PCMT1: variants seen among roughly 807,000 people sequenced by gnomAD.
The protein encoded by PCMT1 is protein-L-isoaspartate (D-aspartate) O-methyltransferase.
A neutral mutation model predicts 29.2 loss-of-function variants in PCMT1; 9 were observed. The ratio of observed to expected loss-of-function variants is 0.31; its 90% confidence interval spans 0.19 to 0.54. PCMT1 has a LOEUF of 0.54. Among genes scored for constraint, PCMT1 ranks in the 20% least tolerant of loss-of-function variants. The probability of loss-of-function intolerance (pLI) is 0.95; values close to 1 mark genes in which losing one functional copy is unlikely to be tolerated. For synonymous variants in PCMT1, 98 were observed against 97.5 expected (o/e 1.00, Z -0.03); for missense variants, 184 against 282.2 (o/e 0.65, Z 2.49).
intron 1 of PCMT1, among the ~76,000 whole-genome samples, chr6:149,770,063 T>A (rs1226244050): frequency 6.6e-6 from 1 of 152,232 alleles, no homozygotes; most frequent in Non-Finnish European, 1.5e-5. Context: ...TCTTTGCATA[T>A]CTTTTAGATG....
intron 3 of PCMT1, among the ~76,000 whole-genome samples, chr6:149,785,521 G>T (rs1476612149): frequency 1.3e-5 from 2 of 151,372 alleles, no homozygotes; most frequent in Non-Finnish European, 3.0e-5. Flanking sequence ...AGTGAACAAA[G>T]GTCTCTGGTT....
chr6:149,796,636 T>TA, intron 6 of PCMT1, 136 bp downstream of exon 6: 1 of 572,520 alleles, frequency 1.7e-6, no homozygotes, highest in Non-Finnish European at 3.1e-6. Context: ...ATTTAGCTGT[T>TA]ACTCTTTTCT....
At chr6:149,795,237 C>A in intron 5 of PCMT1, 1 of 393,810 alleles carries the variant, frequency 2.5e-6, no homozygotes, top group South Asian at 2.3e-5. Flanking sequence ...CACGACAGCG[C>A]CATGTTGCAT....
intron 3 of PCMT1, 126 bp downstream of exon 3, chr6:149,773,295 T>C (rs1471954006): frequency 2.8e-6 from 2 of 716,114 alleles, no homozygotes; most frequent in Non-Finnish European, 4.8e-6. Context: ...GAATTGGTAA[T>C]GAACATCATT....
chr6:149,785,411 A>ATTTTTATT (rs1583036574), intron 3 of PCMT1, among the ~76,000 whole-genome samples: 20 of 56,924 alleles, frequency 3.5e-4, no homozygotes, highest in Non-Finnish European at 5.4e-4. Context: ...CTTTTTTTTT[A>ATTTTTATT]TTTTTATTTT....
At chr6:149,763,156 A>C (rs1462432158) in intron 1 of PCMT1, among the ~76,000 whole-genome samples, 1 of 55,728 alleles carries the variant, frequency 1.8e-5, no homozygotes, top group Non-Finnish European at 2.6e-5. Context: ...TCTATGATAT[A>C]TATCTATGAT....
Position 149,749,857 on chromosome 6 carries a change from G to C in PCMT1, c.-45G>C. 1 of 1,592,392 alleles carries C rather than the reference G, an allele frequency of 6.3e-7. No homozygotes were observed. The highest frequency in any genetic ancestry group is 8.6e-7 in the Non-Finnish European group (1 of 1,169,544). On this transcript the variant is annotated 5_prime_UTR_variant, in exon 1 of 8. Coordinates refer to ENST00000464889, the MANE Select transcript of PCMT1 (RefSeq NM_001360452.2). ...CTTGGGAAAACTGCTGGGCACCGTC[G>C]TCGCGCTGAAGGTGGTTCTGTACCT...
intron 3 of PCMT1, among the ~76,000 whole-genome samples, chr6:149,778,390 G>A (rs926407502): frequency 6.6e-6 from 1 of 150,858 alleles, no homozygotes; most frequent in South Asian, 2.1e-4. Flanking sequence ...CACCACACCC[G>A]GCTAATTTTT....
rs1319621619 is a variant in PCMT1, at chr6:149,796,443, A to C, written c.447A>C (p.Glu149Asp). 1 of 1,613,780 alleles carries C rather than the reference A, an allele frequency of 6.2e-7. No homozygotes were observed. Among genetic ancestry groups the C allele is most frequent in the Non-Finnish European group, 8.5e-7 (1 of 1,179,930 alleles). ...GGGATGGAAGAATGGGATATGCTGA[A>C]GAAGCCCCTTATGATGCCATTCATG... ...VVGDGRMGYA[E>D]EAPYDAIHVG... The change falls in exon 6 of 8, where the codon GAA becomes GAC. Residue 149 changes from glutamate (E) to aspartate (D), a missense_variant. Transcript: ENST00000464889.
At chr6:149,777,318 T>C (rs765782259) in intron 3 of PCMT1, among the ~76,000 whole-genome samples, 1 of 152,138 alleles carries the variant, frequency 6.6e-6, no homozygotes, top group African/African-American at 2.4e-5. Flanking sequence ...AAGTGGAAAA[T>C]AGAATGCATG....
At chr6:149,794,626 A>G (rs1788523362) in intron 5 of PCMT1, 1 of 256,922 alleles carries the variant, frequency 3.9e-6, no homozygotes, top group Admixed American at 5.3e-5. Flanking sequence ...CAAAAAAACA[A>G]ATAAAATAAA....
At chr6:149,783,245 G>T (rs113716343) in intron 3 of PCMT1, among the ~76,000 whole-genome samples, 2 of 151,950 alleles carry the variant, frequency 1.3e-5, no homozygotes, top group African/African-American at 2.4e-5. Context: ...CAATTCTTCT[G>T]CCTCAGCCTC....
At chr6:149,753,869 A>G (rs763527578) in intron 1 of PCMT1, among the ~76,000 whole-genome samples, 3 of 152,224 alleles carry the variant, frequency 2.0e-5, no homozygotes, top group Non-Finnish European at 4.4e-5. Context: ...AAACTTGAGC[A>G]TGCTTCAAAA....
intron 1 of PCMT1, among the ~76,000 whole-genome samples, chr6:149,768,693 C>T (rs1280963220): frequency 6.6e-6 from 1 of 151,864 alleles, no homozygotes; most frequent in Non-Finnish European, 1.5e-5. Flanking sequence ...GTGGCATGAT[C>T]TCGGCTCACT....
At chr6:149,806,578 TG>T in intron 7 of PCMT1, among the ~76,000 whole-genome samples, 1 of 152,212 alleles carries the variant, frequency 6.6e-6, no homozygotes, top group African/African-American at 2.4e-5. Context: ...TTTCCGTTTT[TG>T]TTTTTGTTTT....
intron 3 of PCMT1, among the ~76,000 whole-genome samples, chr6:149,782,936 C>G (rs1787875085): frequency 1.3e-5 from 2 of 151,928 alleles, no homozygotes; most frequent in African/African-American, 4.8e-5. Flanking sequence ...CGGGCAGATC[C>G]CTTGAGCCCA....
chr6:149,795,692 A>G lies in PCMT1; in HGVS notation c.419-723A>G, dbSNP rs1036664986. ...GTCCTGATGGCATAACTGTTCCTGAATTGAGAGAAGCATGGGACTATCTAT... is the reference window on the plus strand; with the variant it reads ...GTCCTGATGGCATAACTGTTCCTGAGTTGAGAGAAGCATGGGACTATCTAT... On this transcript the variant is annotated intron_variant, in intron 5 of 7. Transcript: ENST00000464889. 1.7e-5 allele frequency: 6 copies of G among 343,242 alleles called. No homozygotes were observed. The South Asian group carries it at 1.8e-4, about 10-fold the overall frequency. The allele number at this position is 343,242 out of a possible 1,614,324, so 21.3% of individuals were successfully genotyped here. A position where few individuals can be genotyped will look rare whatever the true frequency, so the allele number is the denominator to read the frequency against.
intron 1 of PCMT1, among the ~76,000 whole-genome samples, chr6:149,752,678 C>T (rs1197936723): frequency 3.3e-5 from 5 of 152,110 alleles, no homozygotes; most frequent in Non-Finnish European, 7.4e-5. Flanking sequence ...GATCTCAGTG[C>T]CTTCTATTGC....
chr6:149,810,759 T>G lies in PCMT1; in HGVS notation c.*181T>G. 1.5e-6 allele frequency: 1 copy of G among 671,012 alleles called. No individual in the cohort carries two copies. The highest frequency in any genetic ancestry group is 2.4e-6 in the Non-Finnish European group (1 of 408,584). 41.6% of individuals were successfully genotyped at this position (671,012 alleles called of 1,614,324 possible). A position where few individuals can be genotyped will look rare whatever the true frequency, so the allele number is the denominator to read the frequency against. ...CACTGTTATTTTCAGCATGAAAATG[T>G]GTGTTTTTTTAGGGTTTCTGATTCT... On this transcript the variant is annotated 3_prime_UTR_variant, in exon 8 of 8. Coordinates refer to ENST00000464889, the MANE Select transcript of PCMT1 (RefSeq NM_001360452.2).
Sources: allele counts gnomAD v4.1 joint callset (sites outside exome capture counted in the v4.1 genomes callset), GRCh38; gene constraint gnomAD v4.1.1; transcripts MANE v1.5; gene names NCBI Gene and HGNC (gene_info 2026-07-23, HGNC 2026-07-21).